RAB27A: variants seen among roughly 807,000 people sequenced by gnomAD.
The protein encoded by RAB27A is RAB27A, member RAS oncogene family.
In RAB27A, 17 loss-of-function variants were observed where a neutral mutation model predicts 20.8. That is an observed-to-expected ratio of 0.82 (90% CI 0.56 to 1.23). The LOEUF is 1.23. Ranked by LOEUF, RAB27A falls within the 50% of genes most tolerant of loss-of-function variation. The probability of loss-of-function intolerance (pLI) is 0.00; values close to 1 mark genes in which losing one functional copy is unlikely to be tolerated. For synonymous variants in RAB27A, 85 were observed against 92.8 expected, an observed-to-expected ratio of 0.92 and a Z score of 0.48; for missense variants, 277 against 266.7, an observed-to-expected ratio of 1.04 and a Z score of -0.27.
intron 2 of RAB27A, among the ~76,000 whole-genome samples, chr15:55,239,831 G>C (rs1402293327): frequency 6.6e-6 from 1 of 152,138 alleles, no homozygotes; most frequent in Non-Finnish European, 1.5e-5. Context: ...GGGGCAGGCA[G>C]GTTTTCAAAA....
intron 2 of RAB27A, among the ~76,000 whole-genome samples, chr15:55,247,863 C>G (rs972149563): frequency 1.3e-5 from 2 of 151,812 alleles, no homozygotes; most frequent in Admixed American, 6.6e-5. Context: ...CTTACAAAGA[C>G]TACTAAGAGG....
intron 2 of RAB27A, among the ~76,000 whole-genome samples, chr15:55,298,525 G>A (rs1189036427): frequency 6.6e-6 from 1 of 152,144 alleles, no homozygotes; most frequent in Non-Finnish European, 1.5e-5. Context: ...GTGGAGGCAG[G>A]GCGAGATCAC....
chr15:55,214,568 T>C (rs939211578), intron 6 of RAB27A, among the ~76,000 whole-genome samples: 1 of 152,240 alleles, frequency 6.6e-6, no homozygotes, highest in Non-Finnish European at 1.5e-5. Context: ...TATCATCCTT[T>C]TATTTCCTGA....
At chr15:55,311,749 A>G (rs373651612) in intron 2 of RAB27A, among the ~76,000 whole-genome samples, 7 of 152,168 alleles carry the variant, frequency 4.6e-5, no homozygotes, top group Admixed American at 1.3e-4. Flanking sequence ...GCAGAAGAAT[A>G]TAAGTCGTTT....
chr15:55,252,245 A>G (rs1264579901), intron 2 of RAB27A, among the ~76,000 whole-genome samples: 2 of 152,196 alleles, frequency 1.3e-5, no homozygotes, highest in African/African-American at 4.8e-5. Flanking sequence ...AAAACTACAT[A>G]TTGGGTACAA....
chr15:55,246,553 G>A lies in RAB27A; in HGVS notation c.-22-11597C>T, dbSNP rs191947140. Among the ~76,000 whole-genome samples the A allele has an allele frequency of 1.4e-3, 206 of 151,562 alleles. 1 individual carries two copies. The highest frequency in any genetic ancestry group is 4.7e-3 in the African/African-American group (194 of 41,270). On this transcript the variant is annotated intron_variant, in intron 2 of 6. Transcript: ENST00000336787. ...GAAAGTAAATTCACCAAAACACTGG[G>A]TCTTATAGTACTTATAGTTTGTGAC...
At chr15:55,238,368 T>C (rs929822790) in intron 2 of RAB27A, 5 of 152,162 alleles carry the variant, frequency 3.3e-5, no homozygotes, top group African/African-American at 9.7e-5. Context: ...ACCAGTAGTA[T>C]GGTATCTTAC....
At chr15:55,302,355 C>A (rs1027471836) in intron 2 of RAB27A, among the ~76,000 whole-genome samples, 1 of 152,036 alleles carries the variant, frequency 6.6e-6, no homozygotes. Flanking sequence ...GGATTGCAGA[C>A]GGAGTCTCGT....
At chr15:55,237,811 G>GA (rs143395488) in intron 2 of RAB27A, among the ~76,000 whole-genome samples, 4,200 of 151,572 alleles carry the variant, frequency 0.028, 224 homozygotes, top group African/African-American at 0.097. Context: ...TTTTTAATTT[G>GA]AAAAAAAAGT....
At chr15:55,228,861 C>T in intron 4 of RAB27A, 149 bp from the exon 5 acceptor site, 1 of 689,154 alleles carries the variant, frequency 1.5e-6, no homozygotes, top group East Asian at 2.7e-5. Context: ...AGTTATTTAT[C>T]ACTTATATCA....
At chr15:55,244,033 G>A (rs1896593821) in intron 2 of RAB27A, among the ~76,000 whole-genome samples, 1 of 152,166 alleles carries the variant, frequency 6.6e-6, no homozygotes, top group Non-Finnish European at 1.5e-5. Context: ...GGGCACAGTG[G>A]CTCACACCTG....
chr15:55,257,363 G>GGGCC (rs1897118449), intron 2 of RAB27A, among the ~76,000 whole-genome samples: 1 of 151,936 alleles, frequency 6.6e-6, no homozygotes, highest in African/African-American at 2.4e-5. Flanking sequence ...GCTCCAAAAA[G>GGGCC]AGGGCCATGA....
intron 2 of RAB27A, among the ~76,000 whole-genome samples, chr15:55,260,329 T>C (rs1234264544): frequency 6.6e-6 from 1 of 152,210 alleles, no homozygotes; most frequent in Non-Finnish European, 1.5e-5. Context: ...TCTCCTTCAT[T>C]GCTGGTAGGA....
At chr15:55,259,886 A>G (rs1897212799) in intron 2 of RAB27A, 1 of 152,130 alleles carries the variant, frequency 6.6e-6, no homozygotes, top group Non-Finnish European at 1.5e-5. Flanking sequence ...ATGACCCTAA[A>G]ATATAACTTC....
intron 2 of RAB27A, chr15:55,259,796 G>C (rs1897209600): frequency 6.6e-6 from 1 of 152,060 alleles, no homozygotes; most frequent in East Asian, 1.9e-4. Flanking sequence ...TAAATGAATG[G>C]ATCTGTTTCA....
chr15:55,302,647 G>A (rs1431290392), intron 2 of RAB27A, among the ~76,000 whole-genome samples: 22 of 118,310 alleles, frequency 1.9e-4, no homozygotes, highest in East Asian at 1.7e-3. Flanking sequence ...CTTCCCAGCC[G>A]CCATCACATC....
chr15:55,299,592 CAAAAAAA>C (rs570200207), intron 2 of RAB27A, among the ~76,000 whole-genome samples: 2 of 70,314 alleles, frequency 2.8e-5, no homozygotes, highest in African/African-American at 1.1e-4. Flanking sequence ...GAATCTGTCT[CAAAAAAA>C]AAAAAAAAAA....
intron 2 of RAB27A, among the ~76,000 whole-genome samples, chr15:55,241,064 G>T (rs935698514): frequency 6.6e-6 from 1 of 152,196 alleles, no homozygotes; most frequent in Non-Finnish European, 1.5e-5. Context: ...GCTGTTATTA[G>T]CAGCAGCATC....
chr15:55,289,856 G>C (rs1898266761), upstream of RAB27A: 2 of 152,116 alleles, frequency 1.3e-5, no homozygotes, highest in Admixed American at 1.3e-4. Context: ...GCGAGGTGGG[G>C]CGGGACCTTC....
Sources: gnomAD v4.1 joint callset for allele counts (sites outside exome capture counted in the v4.1 genomes callset) on GRCh38, gnomAD v4.1.1 for gene constraint, MANE v1.5 for transcripts, NCBI Gene and HGNC (gene_info 2026-07-23, HGNC 2026-07-21) for gene names.